The following CHST8 variants were observed in gnomAD, a reference collection of about 807,000 sequenced individuals.
The protein encoded by CHST8 is GALNAC-4-ST1.
A neutral mutation model predicts 15.0 loss-of-function variants in CHST8; 10 were observed. The ratio of observed to expected loss-of-function variants is 0.67; its 90% CI spans 0.41 to 1.13. The LOEUF (loss-of-function observed/expected upper bound fraction) is 1.13. Among genes scored for constraint, CHST8 ranks in the 50% most tolerant of loss-of-function variants. The pLI is 0.00. For synonymous variants in CHST8, 259 were observed against 256.6 expected (o/e 1.01, Z -0.09); for missense variants, 634 against 608.2 (o/e 1.04, Z -0.45).
At chr19:33,751,626 G>A (rs1482910917) in intron 3 of CHST8, among the ~76,000 whole-genome samples, 2 of 152,150 alleles carry the variant, frequency 1.3e-5, no homozygotes, top group Non-Finnish European at 2.9e-5. Flanking sequence ...ACCGTCCCCG[G>A]GCACTGGCAG....
At chr19:33,677,419 C>G (rs1972824584) in intron 2 of CHST8, among the ~76,000 whole-genome samples, 1 of 152,176 alleles carries the variant, frequency 6.6e-6, no homozygotes, top group Non-Finnish European at 1.5e-5. Context: ...CCAGAGAAAC[C>G]AGACTCCCTT....
chr19:33,738,174 G>A (rs191856276), intron 3 of CHST8, among the ~76,000 whole-genome samples: 1 of 152,148 alleles, frequency 6.6e-6, no homozygotes, highest in East Asian at 1.9e-4. Context: ...TGTGACCCCC[G>A]TTCACTATCG....
At chr19:33,623,847 C>G (rs1396995307) in intron 1 of CHST8, among the ~76,000 whole-genome samples, 1 of 152,256 alleles carries the variant, frequency 6.6e-6, no homozygotes, top group Middle Eastern at 3.4e-3. Context: ...CAGAAGGCGG[C>G]GTGGGAGTTC....
rs1185001848 is a variant in CHST8, at chr19:33,689,243, AC to A, written c.-15del. 3 of 1,546,648 alleles carry A rather than the reference AC, an allele frequency of 1.9e-6. No homozygotes were observed. Among genetic ancestry groups the A allele is most frequent in the Non-Finnish European group, 2.6e-6 (3 of 1,148,226 alleles). ...ACGTGCCCCCCACACCCAAGAGGTG[AC>A]CCCTGAGCCAGCCCCGGATGACCCT... On this transcript the variant is annotated 5_prime_UTR_variant, in exon 3 of 5. Coordinates refer to ENST00000650847, the MANE Select transcript of CHST8 (RefSeq NM_001127895.2).
At chr19:33,725,564 T>C (rs1203052818) in intron 3 of CHST8, among the ~76,000 whole-genome samples, 1 of 152,052 alleles carries the variant, frequency 6.6e-6, no homozygotes, top group Non-Finnish European at 1.5e-5. Flanking sequence ...GAAGGGTGCT[T>C]CTCCTGCCTT....
intron 3 of CHST8, among the ~76,000 whole-genome samples, chr19:33,768,014 C>T (rs949760814): frequency 1.3e-5 from 2 of 152,206 alleles, no homozygotes; most frequent in African/African-American, 2.4e-5. Context: ...TCCTCATCCT[C>T]GTGAGCCCTT....
intron 2 of CHST8, among the ~76,000 whole-genome samples, chr19:33,677,752 C>A (rs185574292): frequency 2.6e-5 from 4 of 152,228 alleles, no homozygotes; most frequent in Admixed American, 6.5e-5. Context: ...CTCCCACAGT[C>A]CCCTCTGTCA....
chr19:33,684,970 C>T (rs565873235), intron 2 of CHST8: 3 of 152,266 alleles, frequency 2.0e-5, no homozygotes, highest in Non-Finnish European at 4.4e-5. Flanking sequence ...CTCTCCTGCC[C>T]GTGTGGTGCA....
intron 3 of CHST8, among the ~76,000 whole-genome samples, chr19:33,757,835 G>T (rs891561052): frequency 1.3e-5 from 2 of 152,106 alleles, no homozygotes; most frequent in Non-Finnish European, 2.9e-5. Flanking sequence ...GGGATTCCAT[G>T]TGTGCACCAC....
chr19:33,740,479 T>C (rs1417681631), intron 3 of CHST8, among the ~76,000 whole-genome samples: 2 of 152,232 alleles, frequency 1.3e-5, no homozygotes, highest in Admixed American at 1.3e-4. Context: ...CTTGCTGGAC[T>C]GGGTCACTTC....
chr19:33,639,105 A>AC (rs1972243815), intron 1 of CHST8, among the ~76,000 whole-genome samples: 1 of 150,884 alleles, frequency 6.6e-6, no homozygotes, highest in African/African-American at 2.4e-5. Context: ...AAAAAAAAAA[A>AC]AAAAGAGGAG....
At chr19:33,734,955 G>T (rs1974056962) in intron 3 of CHST8, among the ~76,000 whole-genome samples, 1 of 152,170 alleles carries the variant, frequency 6.6e-6, no homozygotes, top group South Asian at 2.1e-4. Context: ...CTGTGTGAGG[G>T]TCCTCCATGC....
chr19:33,689,515 G>A (rs891733662), intron 3 of CHST8, 124 bp downstream of exon 3: 37 of 1,151,084 alleles, frequency 3.2e-5, no homozygotes, highest in East Asian at 3.1e-4. Flanking sequence ...CAAGACCCCC[G>A]GCAGGCAGAG....
intron 1 of CHST8, among the ~76,000 whole-genome samples, chr19:33,652,311 T>TAGTA (rs1388155145): frequency 2.6e-5 from 4 of 151,830 alleles, no homozygotes; most frequent in African/African-American, 9.7e-5. Flanking sequence ...AGTGTCCCTC[T>TAGTA]AGTAAGTTTA....
intron 3 of CHST8, among the ~76,000 whole-genome samples, chr19:33,746,270 C>T (rs1974311453): frequency 6.6e-6 from 1 of 152,170 alleles, no homozygotes; most frequent in Non-Finnish European, 1.5e-5. Context: ...CATTGTTTAT[C>T]AAATGTATTC....
chr19:33,667,949 G>A (rs116488981), intron 2 of CHST8, 106 bp downstream of exon 2: 4 of 152,272 alleles, frequency 2.6e-5, no homozygotes, highest in Admixed American at 6.5e-5. Context: ...CAAAGAAAGC[G>A]CCGAAGACGT....
intron 3 of CHST8, among the ~76,000 whole-genome samples, chr19:33,723,132 G>T (rs754674154): frequency 1.3e-5 from 2 of 152,198 alleles, no homozygotes; most frequent in Non-Finnish European, 2.9e-5. Context: ...ATGTGTGCAC[G>T]CCCTGGGTTC....
At chr19:33,755,069 T>A (rs1048558148) in intron 3 of CHST8, among the ~76,000 whole-genome samples, 6 of 152,146 alleles carry the variant, frequency 3.9e-5, no homozygotes, top group African/African-American at 1.4e-4. Flanking sequence ...GGAAATGACA[T>A]TCTCAGGATG....
At chr19:33,725,734 G>C (rs1289734331) in intron 3 of CHST8, among the ~76,000 whole-genome samples, 4 of 152,250 alleles carry the variant, frequency 2.6e-5, no homozygotes, top group Non-Finnish European at 5.9e-5. Context: ...GGTGAGCCAA[G>C]AGAACAGAGC....
Sources: allele counts gnomAD v4.1 joint callset (sites outside exome capture counted in the v4.1 genomes callset), GRCh38; gene constraint gnomAD v4.1.1; transcripts MANE v1.5; gene names NCBI Gene and HGNC (gene_info 2026-07-23, HGNC 2026-07-21).